Variants in EYA4 observed in about 807,000 individuals in gnomAD.
EYA4 encodes protein phosphatase EYA4.
Under a neutral mutation model 87.9 loss-of-function variants are expected in EYA4, and 31 were observed. The ratio of observed to expected loss-of-function variants is 0.35; its 90% CI spans 0.27 to 0.48. EYA4 has a LOEUF of 0.48. EYA4 is among the 20% of genes least tolerant of loss of function. EYA4 has a pLI of 0.99. For missense variants in EYA4, 678 were observed against 761.4 expected (o/e 0.89, Z 1.29); for synonymous variants, 263 against 270.6 (o/e 0.97, Z 0.28).
chr6:133,258,909 G>A (rs1775568099), intron 1 of EYA4, among the ~76,000 whole-genome samples: 1 of 151,940 alleles, frequency 6.6e-6, no homozygotes, highest in Non-Finnish European at 1.5e-5. Context: ...CAGAACCCTA[G>A]GGTCTTTCTC....
intron 1 of EYA4, chr6:133,247,616 G>C (rs1019166515): frequency 3.9e-5 from 6 of 152,300 alleles, no homozygotes; most frequent in African/African-American, 1.4e-4. Flanking sequence ...TTAATAACCT[G>C]TTTTACAATT....
intron 1 of EYA4, among the ~76,000 whole-genome samples, chr6:133,273,134 A>G (rs1776872928): frequency 9.0e-6 from 1 of 111,172 alleles, no homozygotes; most frequent in African/African-American, 3.5e-5. Context: ...AGTTTATTAA[A>G]TATTAACTCA....
rs545759673 is a variant in EYA4, at chr6:133,445,229, C to G, written c.84-1401C>G. On this transcript the variant is annotated intron_variant, in intron 3 of 19. Coordinates refer to ENST00000355286, the MANE Select transcript of EYA4 (RefSeq NM_004100.5). ...CCTTGAAAAATATAATTTCACCCCA[C>G]TTTTTGCTGTTGTTGTCACATATTA... 1.2e-4 allele frequency among the ~76,000 whole-genome samples: 18 copies of G among 152,222 alleles called. 1 individual carries two copies. Among genetic ancestry groups the G allele is most frequent in the Middle Eastern group, 6.8e-3 (2 of 294 alleles).
chr6:133,523,534 C>T (rs1218894244), intron 18 of EYA4, among the ~76,000 whole-genome samples: 1 of 152,074 alleles, frequency 6.6e-6, no homozygotes, highest in African/African-American at 2.4e-5. Flanking sequence ...GATAAAAATA[C>T]AATTTTGGCT....
At chr6:133,280,609 GA>G (rs1162818709) in intron 2 of EYA4, among the ~76,000 whole-genome samples, 3 of 152,010 alleles carry the variant, frequency 2.0e-5, no homozygotes, top group Admixed American at 2.0e-4. Flanking sequence ...TGTTAGCCAG[GA>G]TGGTCTCAAT....
At chr6:133,478,368 G>C (rs753164681) in intron 11 of EYA4, among the ~76,000 whole-genome samples, 7 of 152,058 alleles carry the variant, frequency 4.6e-5, no homozygotes, top group Non-Finnish European at 1.0e-4. Context: ...GTATATAGCA[G>C]CTTTATTCAT....
At position 133,345,691 on chromosome 6, in the gene EYA4, T is replaced by A. The variant is rs117518649; in HGVS notation, c.34-36701T>A. ...TAAAAATTAAAATTGAGAGTAATGA[T>A]AATTAAATTGTTAATCTGTCTGTTA... On this transcript the variant is annotated intron_variant, in intron 2 of 19. Transcript: ENST00000355286. 7.8e-3 allele frequency among the ~76,000 whole-genome samples: 1,185 copies of A among 152,318 alleles called. 8 individuals carry two copies. Among genetic ancestry groups the A allele is most frequent in the Admixed American group, 0.021 (323 of 15,300 alleles).
chr6:133,302,883 A>C (rs1167876949), intron 2 of EYA4, among the ~76,000 whole-genome samples: 1 of 152,190 alleles, frequency 6.6e-6, no homozygotes, highest in African/African-American at 2.4e-5. Context: ...TATTTGCCTA[A>C]TCCAGGGGTT....
At chr6:133,404,774 G>A (rs151039291) in intron 3 of EYA4, among the ~76,000 whole-genome samples, 20 of 152,248 alleles carry the variant, frequency 1.3e-4, no homozygotes, top group Admixed American at 7.2e-4. Flanking sequence ...GATGTCCTTC[G>A]TGTTCACGTG....
chr6:133,503,375 A>C (rs972870611), intron 13 of EYA4, among the ~76,000 whole-genome samples: 2 of 152,224 alleles, frequency 1.3e-5, no homozygotes, highest in Non-Finnish European at 2.9e-5. Flanking sequence ...TTAAAAAGAA[A>C]AATTGGCAAA....
chr6:133,494,691 T>G (rs1346244894), intron 13 of EYA4, among the ~76,000 whole-genome samples: 4 of 131,978 alleles, frequency 3.0e-5, no homozygotes, highest in Admixed American at 7.6e-5. Context: ...AAAAAAAGTG[T>G]TTTTTTTTTA....
At chr6:133,272,631 C>T (rs926647849) in intron 1 of EYA4, among the ~76,000 whole-genome samples, 1 of 152,162 alleles carries the variant, frequency 6.6e-6, no homozygotes, top group Non-Finnish European at 1.5e-5. Flanking sequence ...GCTCCAAAAT[C>T]CTAGAGGCCT....
At chr6:133,418,237 G>T (rs893464387) in intron 3 of EYA4, among the ~76,000 whole-genome samples, 21 of 152,192 alleles carry the variant, frequency 1.4e-4, no homozygotes, top group Admixed American at 1.4e-3. Flanking sequence ...TCCAGGTCAT[G>T]ATTCACTGCA....
intron 2 of EYA4, among the ~76,000 whole-genome samples, chr6:133,371,892 G>T (rs1022316594): frequency 2.6e-5 from 4 of 152,114 alleles, no homozygotes; most frequent in African/African-American, 9.7e-5. Context: ...AGGTCAAAGA[G>T]GAAGAAATTG....
intron 1 of EYA4, among the ~76,000 whole-genome samples, chr6:133,257,176 A>G (rs1775407347): frequency 6.6e-6 from 1 of 152,188 alleles, no homozygotes; most frequent in Non-Finnish European, 1.5e-5. Context: ...AGGATTTGTT[A>G]TATATTTCCA....
At chr6:133,517,314 A>AC (rs113186001) in intron 17 of EYA4, among the ~76,000 whole-genome samples, 28,265 of 151,756 alleles carry the variant, frequency 0.19, 3,215 homozygotes, top group African/African-American at 0.31. Flanking sequence ...CTGTACAACA[A>AC]CCCCCCATGA....
At chr6:133,416,210 A>G (rs1254585125) in intron 3 of EYA4, among the ~76,000 whole-genome samples, 1 of 152,230 alleles carries the variant, frequency 6.6e-6, no homozygotes, top group Non-Finnish European at 1.5e-5. Context: ...GATTTGAAGA[A>G]GATGAAATTG....
intron 2 of EYA4, among the ~76,000 whole-genome samples, chr6:133,299,068 G>A (rs1396499096): frequency 6.6e-6 from 1 of 152,048 alleles, no homozygotes; most frequent in Non-Finnish European, 1.5e-5. Flanking sequence ...CTCTTCTTAG[G>A]TTACCACAAG....
At chr6:133,512,671 G>A (rs1562505298) in intron 14 of EYA4, 50 bp from the exon 15 acceptor site, 2 of 1,416,592 alleles carry the variant, frequency 1.4e-6, no homozygotes, top group Non-Finnish European at 2.0e-6. Flanking sequence ...TTCAAGCATG[G>A]TAACAAGCAT....
Sources: allele counts gnomAD v4.1 joint callset (sites outside exome capture counted in the v4.1 genomes callset), GRCh38; gene constraint gnomAD v4.1.1; transcripts MANE v1.5; gene names NCBI Gene and HGNC (gene_info 2026-07-23, HGNC 2026-07-21).